Variants in HEATR5A observed in about 807,000 individuals in gnomAD.
The protein encoded by HEATR5A is HEAT repeat containing 5A.
A neutral mutation model predicts 218.8 loss-of-function variants in HEATR5A; 178 were observed. That is an observed-to-expected ratio of 0.81 (90% CI 0.72 to 0.92). The LOEUF (loss-of-function observed/expected upper bound fraction) is 0.92, where lower values mean the gene tolerates loss of function less well. HEATR5A is among the 40% of genes least tolerant of loss of function. The pLI, the probability that HEATR5A is intolerant of heterozygous loss-of-function variation, is 0.00. For missense variants in HEATR5A, 2,420 were observed against 2,418.9 expected, an observed-to-expected ratio of 1.00 and a Z score of -0.01; for synonymous variants, 864 against 871.6, an observed-to-expected ratio of 0.99 and a Z score of 0.15.
chr14:31,332,194 T>C (rs1566757520), intron 22 of HEATR5A, among the ~76,000 whole-genome samples: 1 of 152,230 alleles, frequency 6.6e-6, no homozygotes. Context: ...GTTATGATGA[T>C]CTGTGATCAG....
Position 31,395,349 on chromosome 14 carries a change from C to A in HEATR5A, c.448-1G>T. 1 of 1,483,872 alleles carries A rather than the reference C, an allele frequency of 6.7e-7. No individual in the cohort carries two copies. Among genetic ancestry groups the A allele is most frequent in the Non-Finnish European group, 9.0e-7 (1 of 1,115,500 alleles). 91.9% of individuals were successfully genotyped at this position (1,483,872 alleles called of 1,614,324 possible). A position where few individuals can be genotyped will look rare whatever the true frequency, so the allele number is the denominator to read the frequency against. On this transcript the variant is annotated splice_acceptor_variant, in intron 4 of 35. Coordinates refer to ENST00000543095, the MANE Select transcript of HEATR5A (RefSeq NM_015473.4). LOFTEE classifies it high-confidence loss of function. ...GCATAATCTCATATCGGCCTTGAGA[C>A]TTCCAAAAAGAAAAAAAATTAAATA...
rs1487167782 is a variant in HEATR5A, at chr14:31,420,491, C to G, written c.-94G>C. 6.5e-6 allele frequency: 1 copy of G among 152,714 alleles called. No homozygotes were observed. The highest frequency in any genetic ancestry group is 1.9e-4 in the East Asian group (1 of 5,202). The allele number at this position is 152,714 out of a possible 1,614,324, so 9.5% of individuals were successfully genotyped here. A position where few individuals can be genotyped will look rare whatever the true frequency, so the allele number is the denominator to read the frequency against. On this transcript the variant is annotated 5_prime_UTR_variant, in exon 1 of 36. Transcript: ENST00000543095. Reference sequence around the variant, plus strand: ...GCCTGCCTTTGGGGGTCCTCCTCAGCTGAGCGTGCGTCCCGGTCCAGCAAC... The same window carrying G: ...GCCTGCCTTTGGGGGTCCTCCTCAGGTGAGCGTGCGTCCCGGTCCAGCAAC...
intron 11 of HEATR5A, among the ~76,000 whole-genome samples, chr14:31,375,946 C>T (rs1465812250): frequency 1.3e-5 from 2 of 152,112 alleles, no homozygotes; most frequent in African/African-American, 4.8e-5. Flanking sequence ...TCTGGAGTTA[C>T]TTTAAACTTC....
chr14:31,417,276 G>T (rs1456723552), intron 1 of HEATR5A, among the ~76,000 whole-genome samples: 1 of 152,084 alleles, frequency 6.6e-6, no homozygotes, highest in Non-Finnish European at 1.5e-5. Flanking sequence ...AAAGGCTAGA[G>T]TTGGCCGGGG....
intron 1 of HEATR5A, among the ~76,000 whole-genome samples, chr14:31,414,291 T>TA (rs899771253): frequency 6.6e-6 from 1 of 152,056 alleles, no homozygotes; most frequent in Non-Finnish European, 1.5e-5. Flanking sequence ...TAACAGGAAG[T>TA]AAAAAAACAA....
chr14:31,313,065 T>C lies in HEATR5A; in HGVS notation c.4344A>G (p.Ala1448=). 7 of 1,613,956 alleles carry C rather than the reference T, an allele frequency of 4.3e-6. No individual in the cohort carries two copies. The highest frequency in any genetic ancestry group is 1.7e-5 in the Admixed American group (1 of 60,018). The change falls in exon 28 of 36, where the codon GCA becomes GCG. Residue 1448 remains alanine (A), a synonymous_variant. Transcript: ENST00000543095. ...SSDGLLDLVY[A]DLGTLSRLWL... ...AGAGTCTGCTTAGTGTGCCAAGATCTGCATAGACTAAGTCAAGCAGTCCAT... is the reference window on the plus strand; with the variant it reads ...AGAGTCTGCTTAGTGTGCCAAGATCCGCATAGACTAAGTCAAGCAGTCCAT...
At chr14:31,375,963 A>G (rs1296111980) in intron 11 of HEATR5A, among the ~76,000 whole-genome samples, 1 of 152,112 alleles carries the variant, frequency 6.6e-6, no homozygotes, top group Non-Finnish European at 1.5e-5. Flanking sequence ...CTTCTCCAGT[A>G]AGCGCTCTCT....
At chr14:31,310,329 C>A (rs1899702801) in intron 28 of HEATR5A, among the ~76,000 whole-genome samples, 1 of 152,134 alleles carries the variant, frequency 6.6e-6, no homozygotes, top group South Asian at 2.1e-4. Flanking sequence ...ACCACTGTGC[C>A]TGGCTTACAT....
At chr14:31,353,338 A>G (rs1270796907) in intron 16 of HEATR5A, among the ~76,000 whole-genome samples, 1 of 152,180 alleles carries the variant, frequency 6.6e-6, no homozygotes, top group Non-Finnish European at 1.5e-5. Flanking sequence ...CTGAATAGCT[A>G]CTAGTATTGT....
chr14:31,306,944 C>A, intron 30 of HEATR5A, 65 bp from the exon 31 acceptor site: 1 of 1,299,262 alleles, frequency 7.7e-7, no homozygotes, highest in Non-Finnish European at 1.0e-6. Flanking sequence ...TAAAAAATAC[C>A]AATGCTAAAT....
chr14:31,321,945 A>C (rs975341118), intron 24 of HEATR5A, among the ~76,000 whole-genome samples: 1 of 152,224 alleles, frequency 6.6e-6, no homozygotes, highest in Non-Finnish European at 1.5e-5. Flanking sequence ...TCCTAATAGT[A>C]TCTTCAATAA....
chr14:31,293,243 G>A lies in HEATR5A; in HGVS notation c.*62C>T. On this transcript the variant is annotated 3_prime_UTR_variant, in exon 36 of 36. Transcript: ENST00000543095. ...CACTTGTGTCTACAATGTCCCTTTT[G>A]TCACCAAAGGCAATGATCAAGTATT... 2 of 1,326,288 alleles carry A rather than the reference G, an allele frequency of 1.5e-6. No individual in the cohort carries two copies. Among genetic ancestry groups the A allele is most frequent in the African/African-American group, 1.5e-5 (1 of 67,646 alleles). The allele number at this position is 1,326,288 out of a possible 1,614,324, so 82.2% of individuals were successfully genotyped here.
At chr14:31,389,911 A>G (rs911810065) in intron 6 of HEATR5A, among the ~76,000 whole-genome samples, 3 of 152,206 alleles carry the variant, frequency 2.0e-5, no homozygotes, top group African/African-American at 7.2e-5. Flanking sequence ...ATGACTATGT[A>G]TATTAAACAG....
chr14:31,295,979 GTTAC>G lies in HEATR5A; in HGVS notation c.5545_5548del (p.Val1849LeufsTer20). Reference sequence around the variant, plus strand: ...GCGCTTCTGAAGGCATGGGATGGTAGTTACTTCTGGACTGGTAGACAAAATAAAC... The same window carrying G: ...GCGCTTCTGAAGGCATGGGATGGTAGTTCTGGACTGGTAGACAAAATAAAC... On this transcript the variant is annotated frameshift_variant, in exon 34 of 36. Coordinates refer to ENST00000543095, the MANE Select transcript of HEATR5A (RefSeq NM_015473.4). LOFTEE classifies it high-confidence loss of function. The G allele has an allele frequency of 6.2e-7, 1 of 1,613,298 alleles. No individual in the cohort carries two copies. The highest frequency in any genetic ancestry group is 2.2e-5 in the East Asian group (1 of 44,836).
chr14:31,377,712 G>A (rs1021634436), intron 11 of HEATR5A, among the ~76,000 whole-genome samples: 2 of 151,952 alleles, frequency 1.3e-5, no homozygotes, highest in African/African-American at 2.4e-5. Context: ...TGCGGAGGTC[G>A]AGGCTGCAGT....
intron 25 of HEATR5A, chr14:31,320,391 A>G: frequency 9.6e-7 from 1 of 1,038,942 alleles, no homozygotes; most frequent in Non-Finnish European, 1.5e-6. Context: ...CCAGCCCCTG[A>G]ATCAGCCACA....
At chr14:31,299,109 T>C (rs1899283098) in intron 33 of HEATR5A, among the ~76,000 whole-genome samples, 1 of 152,176 alleles carries the variant, frequency 6.6e-6, no homozygotes, top group Non-Finnish European at 1.5e-5. Context: ...AATTGTCCCA[T>C]AGGTTACACT....
At chr14:31,386,669 T>G (rs2030236468) in intron 8 of HEATR5A, 94 bp from the exon 9 acceptor site, 1 of 1,033,160 alleles carries the variant, frequency 9.7e-7, no homozygotes, top group Non-Finnish European at 1.4e-6. Context: ...GGCAAAAATT[T>G]ACACATACAC....
At chr14:31,396,464 T>C (rs564043466) in intron 4 of HEATR5A, among the ~76,000 whole-genome samples, 1 of 151,854 alleles carries the variant, frequency 6.6e-6, no homozygotes, top group East Asian at 1.9e-4. Flanking sequence ...GAAAAAGAAA[T>C]AGTAGCTGCT....
Sources: gnomAD v4.1 joint callset for allele counts (sites outside exome capture counted in the v4.1 genomes callset) on GRCh38, gnomAD v4.1.1 for gene constraint, MANE v1.5 for transcripts, NCBI Gene and HGNC (gene_info 2026-07-23, HGNC 2026-07-21) for gene names.